The following KAT6B variants were observed in gnomAD, a reference collection of about 807,000 sequenced individuals.
KAT6B encodes the protein lysine acetyltransferase 6B, also known as histone acetyltransferase KAT6B.
In KAT6B, 10 loss-of-function variants were observed where a neutral mutation model predicts 187.5. That is an observed-to-expected ratio of 0.05 (90% CI 0.03 to 0.09). The LOEUF is 0.09. KAT6B is among the 10% of genes least tolerant of loss of function. The probability of loss-of-function intolerance (pLI) is 1.00; values close to 1 mark genes in which losing one functional copy is unlikely to be tolerated. For missense variants in KAT6B, 1,952 were observed against 2,558.9 expected (o/e 0.76, Z 5.12); for synonymous variants, 861 against 926.8 (o/e 0.93, Z 1.29).
At chr10:74,967,315 G>A (rs1407713217) in intron 4 of KAT6B, among the ~76,000 whole-genome samples, 1 of 144,276 alleles carries the variant, frequency 6.9e-6, no homozygotes, top group East Asian at 2.0e-4. Flanking sequence ...GGGCAACAGA[G>A]CGAGACTCCG....
intron 12 of KAT6B, 140 bp from the exon 13 acceptor site, chr10:74,988,879 T>C: frequency 1.3e-6 from 1 of 747,452 alleles, no homozygotes; most frequent in Non-Finnish European, 2.5e-6. Context: ...TTGATTAATA[T>C]AGTAGGATTT....
chr10:75,004,478 A>T (rs1844066897), intron 13 of KAT6B, among the ~76,000 whole-genome samples: 1 of 152,162 alleles, frequency 6.6e-6, no homozygotes, highest in Non-Finnish European at 1.5e-5. Context: ...CCCATCCTTC[A>T]GCAAACATGC....
In KAT6B at chr10:74,850,189, C is replaced by T. The variant is rs1299674148; in HGVS notation, c.621+6711C>T. Among the ~76,000 whole-genome samples the T allele has an allele frequency of 2.6e-5, 4 of 152,114 alleles. No homozygotes were observed. In the East Asian group the frequency reaches 7.7e-4, roughly 29 times the overall value. On this transcript the variant is annotated intron_variant, in intron 3 of 17. Transcript: ENST00000287239. ...TCCTGACCTCGTGATCCACCTGCCT[C>T]GGCCTGTGGTGGCTTTTTATTAACA...
chr10:74,856,394 G>A (rs1247299249), intron 3 of KAT6B, among the ~76,000 whole-genome samples: 1 of 151,960 alleles, frequency 6.6e-6, no homozygotes, highest in African/African-American at 2.4e-5. Context: ...GCCAACTTTT[G>A]ACTTTTCATC....
intron 3 of KAT6B, among the ~76,000 whole-genome samples, chr10:74,918,432 T>G (rs369110047): frequency 2.6e-5 from 4 of 152,288 alleles, no homozygotes; most frequent in East Asian, 1.9e-4. Flanking sequence ...GATATATGAC[T>G]GGGTCTTGAA....
rs555936551 is a variant in KAT6B at position 74,883,056 on chromosome 10, A to G, written c.621+39578A>G. Among the ~76,000 whole-genome samples the G allele has an allele frequency of 6.6e-4, 101 of 152,300 alleles. 2 individuals are homozygous for G. Among genetic ancestry groups the G allele is most frequent in the East Asian group, 1.3e-3 (7 of 5,188 alleles). On this transcript the variant is annotated intron_variant, in intron 3 of 17. Transcript: ENST00000287239. ...GAGAGTGACTCATGTACTGTTTTCT[A>G]TTGAGTTCCCGAAAGTTTATAAAGA...
upstream of KAT6B, among the ~76,000 whole-genome samples, chr10:74,825,979 C>G (rs1285501557): frequency 1.3e-5 from 2 of 151,484 alleles, no homozygotes; most frequent in Non-Finnish European, 2.9e-5. The surrounding 1 kb of genome is among the most constrained non-coding windows in gnomAD (Gnocchi z 5.0). Context: ...GCGGCGCGCC[C>G]GTCCGCACAC....
chr10:74,987,550 C>T (rs1006942241), intron 12 of KAT6B, among the ~76,000 whole-genome samples: 1 of 152,096 alleles, frequency 6.6e-6, no homozygotes, highest in African/African-American at 2.4e-5. Context: ...AACTACAGTT[C>T]AAGGATAGCC....
intron 13 of KAT6B, among the ~76,000 whole-genome samples, chr10:75,001,944 C>T (rs945616661): frequency 6.6e-6 from 1 of 152,148 alleles, no homozygotes; most frequent in Admixed American, 6.5e-5. Context: ...ATGGCTTACC[C>T]TCAGGAGCTG....
Position 74,885,797 on chromosome 10 carries a change from T to C in KAT6B, c.621+42319T>C, listed in dbSNP as rs569552201. 1.3e-4 allele frequency among the ~76,000 whole-genome samples: 19 copies of C among 151,402 alleles called. No individual in the cohort carries two copies. The East Asian group carries it at 3.1e-3, about 25-fold the overall frequency. ...ACCAGGCTGGAGTGCAGTGGCACGA[T>C]CTCAGCTCACTGCAACCTCTGCCTC... is the stretch of plus-strand genomic sequence containing the variant. On this transcript the variant is annotated intron_variant, in intron 3 of 17. Coordinates refer to ENST00000287239, the MANE Select transcript of KAT6B (RefSeq NM_012330.4).
At chr10:74,882,524 C>G (rs1016859753) in intron 3 of KAT6B, among the ~76,000 whole-genome samples, 3 of 152,156 alleles carry the variant, frequency 2.0e-5, no homozygotes, top group African/African-American at 7.2e-5. Context: ...AGTTGTTTCA[C>G]CTTGTGAATA....
chr10:74,968,511 T>C (rs1841635123), intron 4 of KAT6B, among the ~76,000 whole-genome samples: 1 of 152,156 alleles, frequency 6.6e-6, no homozygotes, highest in South Asian at 2.1e-4. Flanking sequence ...TGTTAAGCTT[T>C]AGGGAGGAGG....
intron 13 of KAT6B, among the ~76,000 whole-genome samples, chr10:74,990,023 A>G (rs1007817335): frequency 2.0e-5 from 3 of 151,834 alleles, no homozygotes; most frequent in African/African-American, 7.3e-5. Context: ...GGTGAACCCC[A>G]TCTCTACTAA....
In KAT6B at chr10:75,020,616, G is replaced by A; in HGVS notation, c.2664G>A (p.Gly888=). Residue 888 remains glycine (G), a synonymous_variant, in exon 14 of 18, where the codon GGG becomes GGA. Transcript: ENST00000287239. ...YLLSRREGQA[G]SPEKPLSDLG... is the part of the protein sequence containing the mutation. ...TTTCTAGAAGAGAAGGCCAAGCAGG[G>A]TCTCCTGAAAAGCCTCTCTCCGATC... is the stretch of plus-strand genomic sequence containing the variant. 6.2e-7 allele frequency: 1 copy of A among 1,614,186 alleles called. No homozygotes were observed.
chr10:74,831,834 C>G (rs934713810), intron 1 of KAT6B, among the ~76,000 whole-genome samples: 4 of 152,186 alleles, frequency 2.6e-5, no homozygotes, highest in Admixed American at 6.5e-5. Flanking sequence ...AAAACAGAGA[C>G]TTAGATTGAT....
intron 2 of KAT6B, among the ~76,000 whole-genome samples, chr10:74,840,992 G>C (rs1418722926): frequency 1.3e-5 from 2 of 152,102 alleles, no homozygotes; most frequent in African/African-American, 4.8e-5. Context: ...CTTTAATTTT[G>C]TATTTTGTTA....
intron 1 of KAT6B, among the ~76,000 whole-genome samples, chr10:74,837,088 C>T (rs898222746): frequency 6.6e-6 from 1 of 152,110 alleles, no homozygotes; most frequent in Non-Finnish European, 1.5e-5. Flanking sequence ...GGAGGCCTCG[C>T]ATAATACTTA....
chr10:74,959,596 C>G (rs1840944350), intron 3 of KAT6B, among the ~76,000 whole-genome samples: 1 of 152,072 alleles, frequency 6.6e-6, no homozygotes, highest in African/African-American at 2.4e-5. Context: ...TCGAGACCAT[C>G]CTGGCCAACA....
In KAT6B at chr10:74,918,983, T is replaced by C. The variant is rs186697010; in HGVS notation, c.622-40987T>C. ...TTGTAATCCTAGCACTTTGGGAGGC[T>C]GAGGCAGGTGGATCACCAGAGGTCA... On this transcript the variant is annotated intron_variant, in intron 3 of 17. Transcript: ENST00000287239. Among the ~76,000 whole-genome samples, 5 of 152,074 alleles carry C rather than the reference T, an allele frequency of 3.3e-5. No homozygotes were observed. The East Asian group carries it at 9.7e-4, about 30-fold the overall frequency.
Sources: gnomAD v4.1 joint callset for allele counts (sites outside exome capture counted in the v4.1 genomes callset) on GRCh38, gnomAD v4.1.1 for gene constraint, Gnocchi (gnomAD v3.1) non-coding constraint, MANE v1.5 for transcripts, NCBI Gene and HGNC (gene_info 2026-07-23, HGNC 2026-07-21) for gene names.